JPH2: variants seen among roughly 807,000 people sequenced by gnomAD.
JPH2 encodes the protein junctophilin 2.
JPH2 carries 38 observed loss-of-function variants against 55.9 expected under a neutral mutation model. That is an observed-to-expected ratio of 0.68 (90% CI 0.52 to 0.89). JPH2 has a LOEUF of 0.89. Ranked by LOEUF, JPH2 falls within the 40% of genes least tolerant of loss-of-function variation. The pLI, the probability that JPH2 is intolerant of heterozygous loss-of-function variation, is 0.00. For synonymous variants in JPH2, 480 were observed against 472.4 expected, an observed-to-expected ratio of 1.02 and a Z score of -0.21; for missense variants, 964 against 1,037.6, an observed-to-expected ratio of 0.93 and a Z score of 0.97.
chr20:44,142,332 G>A (rs58442973), intron 2 of JPH2, among the ~76,000 whole-genome samples: 25,166 of 152,090 alleles, frequency 0.17, 2,333 homozygotes, highest in Admixed American at 0.27. Context: ...TAACTTAAAT[G>A]GCCACAGGTT....
chr20:44,151,786 G>A (rs1267172050), intron 2 of JPH2, among the ~76,000 whole-genome samples: 2 of 152,108 alleles, frequency 1.3e-5, no homozygotes, highest in African/African-American at 4.8e-5. Flanking sequence ...CTGCCTTCTC[G>A]GCCTCATCTC....
chr20:44,137,755 C>T (rs1225342792), intron 2 of JPH2, among the ~76,000 whole-genome samples: 4 of 152,174 alleles, frequency 2.6e-5, no homozygotes, highest in Non-Finnish European at 1.5e-5. Context: ...CCCATCATAG[C>T]AGTCACAACT....
chr20:44,183,855 GAA>G (rs1338379500), intron 1 of JPH2, among the ~76,000 whole-genome samples: 1 of 152,180 alleles, frequency 6.6e-6, no homozygotes, highest in African/African-American at 2.4e-5. Context: ...ACTTTCGCTG[GAA>G]AGAGTCAGGT....
At chr20:44,141,180 A>G (rs779081727) in intron 2 of JPH2, among the ~76,000 whole-genome samples, 4 of 152,194 alleles carry the variant, frequency 2.6e-5, no homozygotes, top group Admixed American at 1.3e-4. Context: ...CCTCTTTCCC[A>G]CTAACGGAAG....
intron 2 of JPH2, among the ~76,000 whole-genome samples, chr20:44,136,423 T>A (rs1350308357): frequency 6.8e-6 from 1 of 148,004 alleles, no homozygotes; most frequent in Non-Finnish European, 1.5e-5. Context: ...GGATGCTGAA[T>A]CCCCTGGGAC....
In JPH2 at chr20:44,111,144, C is replaced by G. The variant is rs2072140573; in HGVS notation, c.*2374G>C. On this transcript the variant is annotated 3_prime_UTR_variant, in exon 6 of 6. Transcript: ENST00000372980. Reference sequence around the variant, plus strand: ...AATGTGGCGATCCCCTCAGGCTCCCCCACTGATTGAGATATTCTGACTAAA... The same window carrying G: ...AATGTGGCGATCCCCTCAGGCTCCCGCACTGATTGAGATATTCTGACTAAA... 6.6e-6 allele frequency among the ~76,000 whole-genome samples: 1 copy of G among 152,210 alleles called. No individual in the cohort carries two copies. Among genetic ancestry groups the G allele is most frequent in the African/African-American group, 2.4e-5 (1 of 41,452 alleles).
chr20:44,164,571 G>T (rs193198732), intron 1 of JPH2, among the ~76,000 whole-genome samples: 2 of 152,266 alleles, frequency 1.3e-5, no homozygotes, highest in East Asian at 1.9e-4. Flanking sequence ...AAGAGAGCAG[G>T]CTGCTGTTAC....
intron 2 of JPH2, among the ~76,000 whole-genome samples, chr20:44,120,104 C>G (rs1158118112): frequency 1.3e-5 from 2 of 152,074 alleles, no homozygotes; most frequent in African/African-American, 2.4e-5. Flanking sequence ...TCATTCTTCT[C>G]TCTCCTGAAA....
At chr20:44,114,493 A>G (rs2072171063) in intron 5 of JPH2, among the ~76,000 whole-genome samples, 1 of 151,786 alleles carries the variant, frequency 6.6e-6, no homozygotes, top group Admixed American at 6.6e-5. Context: ...GGCCAAATGA[A>G]TGAGTGAATG....
intron 3 of JPH2, among the ~76,000 whole-genome samples, chr20:44,117,096 T>C (rs4812787): frequency 0.55 from 84,162 of 151,982 alleles, 23,424 homozygotes; most frequent in African/African-American, 0.62. Flanking sequence ...CTGGCCAACA[T>C]AGTGAAATGC....
rs148471283 is a variant in JPH2, at chr20:44,114,226, G to A, written c.*14+556C>T. ...GGGAAAAAACTGAGAGGGAACCAAT[G>A]GGCAGAGGAACAGGAGCAGGCTGGG... On this transcript the variant is annotated intron_variant, in intron 5 of 5. Transcript: ENST00000372980. 2.6e-4 allele frequency among the ~76,000 whole-genome samples: 40 copies of A among 152,262 alleles called. No individual in the cohort carries two copies. In the East Asian group the frequency reaches 7.3e-3, roughly 28 times the overall value.
At chr20:44,185,749 G>A (rs1383817997) in intron 1 of JPH2, among the ~76,000 whole-genome samples, 3 of 151,898 alleles carry the variant, frequency 2.0e-5, no homozygotes, top group African/African-American at 7.2e-5. Context: ...ATGAATGGCT[G>A]GATGGGTAGA....
At chr20:44,121,275 G>T (rs1452754014) in intron 2 of JPH2, among the ~76,000 whole-genome samples, 1 of 152,214 alleles carries the variant, frequency 6.6e-6, no homozygotes, top group African/African-American at 2.4e-5. Flanking sequence ...GAAGAGCTTT[G>T]TGCCTTCGAG....
intron 2 of JPH2, among the ~76,000 whole-genome samples, chr20:44,134,329 A>T (rs1344671588): frequency 6.2e-4 from 1 of 1,618 alleles, no homozygotes; most frequent in African/African-American, 2.0e-3. Flanking sequence ...ATATATAATA[A>T]ATATATAATA....
At chr20:44,116,756 T>G (rs1319971671) in intron 3 of JPH2, among the ~76,000 whole-genome samples, 2 of 152,188 alleles carry the variant, frequency 1.3e-5, no homozygotes, top group Admixed American at 6.5e-5. Context: ...ATGGGCCTGA[T>G]CATACCTATT....
rs181011498 is a variant in JPH2, at chr20:44,110,342, T to C, written c.*3176A>G. ...TACAGATAACAATTCCCTCCCCATT[T>C]CCACTCCCACCTCCCCTCCTGTGCT... On this transcript the variant is annotated 3_prime_UTR_variant, in exon 6 of 6. Coordinates refer to ENST00000372980, the MANE Select transcript of JPH2 (RefSeq NM_020433.5). Among the ~76,000 whole-genome samples, 356 of 152,202 alleles carry C rather than the reference T, an allele frequency of 2.3e-3. No homozygotes were observed. The highest frequency in any genetic ancestry group is 3.7e-3 in the Non-Finnish European group (255 of 68,012).
chr20:44,115,641 G>T (rs771617218), intron 4 of JPH2, 24 bp downstream of exon 4: 8 of 1,611,828 alleles, frequency 5.0e-6, no homozygotes, highest in Non-Finnish European at 6.8e-6. Context: ...CCGACCTTAG[G>T]CACACCTTGC....
intron 2 of JPH2, among the ~76,000 whole-genome samples, chr20:44,127,483 CCTT>C (rs765927081): frequency 6.8e-6 from 1 of 147,476 alleles, no homozygotes; most frequent in African/African-American, 2.4e-5. Flanking sequence ...TTGATATCAT[CCTT>C]CTTTTTTTTT....
chr20:44,148,526 C>T (rs775736327), intron 2 of JPH2, among the ~76,000 whole-genome samples: 80 of 152,328 alleles, frequency 5.3e-4, no homozygotes, highest in Middle Eastern at 6.8e-3. Context: ...ACAAAGGGTT[C>T]TTCGTTTCTT....
Sources: allele counts gnomAD v4.1 joint callset (sites outside exome capture counted in the v4.1 genomes callset), GRCh38; gene constraint gnomAD v4.1.1; transcripts MANE v1.5; gene names NCBI Gene and HGNC (gene_info 2026-07-23, HGNC 2026-07-21).